The following LRRTM4 variants were observed in gnomAD, a reference collection of about 807,000 sequenced individuals.
LRRTM4 encodes leucine-rich repeat transmembrane neuronal protein 4.
A neutral mutation model predicts 47.6 loss-of-function variants in LRRTM4; 25 were observed. The observed-to-expected ratio is 0.53, with a 90% CI of 0.38 to 0.73. The LOEUF is 0.73. Among genes scored for constraint, LRRTM4 ranks in the 30% least tolerant of loss-of-function variants. The probability of loss-of-function intolerance (pLI) is 0.00; values close to 1 mark genes in which losing one functional copy is unlikely to be tolerated. For synonymous variants in LRRTM4, 311 were observed against 269.5 expected (o/e 1.15, Z -1.51); for missense variants, 638 against 713.4 (o/e 0.89, Z 1.20).
At chr2:76,763,608 T>C (rs911416490) in intron 3 of LRRTM4, among the ~76,000 whole-genome samples, 5 of 152,172 alleles carry the variant, frequency 3.3e-5, no homozygotes, top group African/African-American at 9.7e-5. Flanking sequence ...GATCCAAACA[T>C]ATGAATAGAG....
chr2:77,257,426 A>C (rs1675801043), intron 3 of LRRTM4, among the ~76,000 whole-genome samples: 1 of 152,154 alleles, frequency 6.6e-6, no homozygotes, highest in Admixed American at 6.6e-5. Context: ...AACCAAAATT[A>C]AAAGTACACT....
intron 3 of LRRTM4, among the ~76,000 whole-genome samples, chr2:77,076,328 A>G (rs1162010103): frequency 6.6e-6 from 1 of 152,210 alleles, no homozygotes; most frequent in East Asian, 1.9e-4. Flanking sequence ...ATGTATTTGC[A>G]TATTTTAAAT....
chr2:77,246,365 C>T (rs944311798), intron 3 of LRRTM4, among the ~76,000 whole-genome samples: 1 of 151,844 alleles, frequency 6.6e-6, no homozygotes, highest in Non-Finnish European at 1.5e-5. Flanking sequence ...TGACATTTCG[C>T]CAATATATAC....
chr2:77,197,316 T>A (rs1010141982), intron 3 of LRRTM4, among the ~76,000 whole-genome samples: 1 of 152,200 alleles, frequency 6.6e-6, no homozygotes, highest in Non-Finnish European at 1.5e-5. Context: ...GTTAACATAG[T>A]AAGATATATT....
chr2:76,842,158 C>A (rs1218831492), intron 3 of LRRTM4, among the ~76,000 whole-genome samples: 3 of 152,144 alleles, frequency 2.0e-5, no homozygotes, highest in Non-Finnish European at 4.4e-5. Flanking sequence ...CTGAAGAGAA[C>A]AAAAGGTTGA....
chr2:76,801,587 T>C (rs4425097), intron 3 of LRRTM4, among the ~76,000 whole-genome samples: 70,683 of 151,574 alleles, frequency 0.47, 18,084 homozygotes, highest in East Asian at 0.69. Flanking sequence ...GTGGGTGCAG[T>C]GCACCAGCAT....
chr2:77,457,002 G>A (rs866107717), intron 3 of LRRTM4, among the ~76,000 whole-genome samples: 149 of 12,474 alleles, frequency 0.012, 1 homozygote, highest in African/African-American at 0.053. Flanking sequence ...ATGTGTGTGT[G>A]TGTATATATA....
intron 3 of LRRTM4, among the ~76,000 whole-genome samples, chr2:76,874,036 C>A (rs74485747): frequency 1.3e-5 from 2 of 151,692 alleles, no homozygotes; most frequent in African/African-American, 2.4e-5. Flanking sequence ...AACATTTACT[C>A]CCCCCAGAGC....
chr2:76,758,639 C>T (rs1020434877), intron 3 of LRRTM4, among the ~76,000 whole-genome samples: 1 of 152,132 alleles, frequency 6.6e-6, no homozygotes. Flanking sequence ...ATACTGGTCT[C>T]ATATTTTAAA....
At position 76,771,656 on chromosome 2, in the gene LRRTM4, AAG is replaced by A. The variant is rs1241828499; in HGVS notation, c.1552-22742_1552-22741del. Among the ~76,000 whole-genome samples the A allele has an allele frequency of 5.7e-3, 390 of 68,378 alleles. 3 individuals are homozygous for A. Among genetic ancestry groups the A allele is most frequent in the African/African-American group, 0.032 (371 of 11,432 alleles). The allele number at this position is 68,378 out of a possible 152,430, so 44.9% of individuals were successfully genotyped here. A position where few individuals can be genotyped will look rare whatever the true frequency, so the allele number is the denominator to read the frequency against. ...CAGGTGAACAGAAAAAAAAAAAAAA[AAG>A]AAAAAGAAAAGAAGAACATCAGTTT... On this transcript the variant is annotated intron_variant, in intron 3 of 3. Transcript: ENST00000409884.
intron 3 of LRRTM4, among the ~76,000 whole-genome samples, chr2:76,878,252 T>A (rs751394686): frequency 5.3e-5 from 8 of 152,130 alleles, no homozygotes; most frequent in Non-Finnish European, 8.8e-5. Context: ...TATGTATATG[T>A]TCTGATTGTT....
chr2:77,280,356 T>C (rs938611839), intron 3 of LRRTM4, among the ~76,000 whole-genome samples: 1 of 152,024 alleles, frequency 6.6e-6, no homozygotes, highest in African/African-American at 2.4e-5. Context: ...ACTACAGAAA[T>C]GTAAGAGAAT....
intron 3 of LRRTM4, among the ~76,000 whole-genome samples, chr2:77,408,197 C>T (rs974189403): frequency 6.6e-6 from 1 of 152,228 alleles, no homozygotes; most frequent in Admixed American, 6.5e-5. Flanking sequence ...AGGGGGAGTG[C>T]TTTTTCCTGT....
chr2:77,262,255 G>C (rs1675936415), intron 3 of LRRTM4, among the ~76,000 whole-genome samples: 1 of 152,008 alleles, frequency 6.6e-6, no homozygotes, highest in Non-Finnish European at 1.5e-5. Flanking sequence ...GAAATAAACT[G>C]TACCATAAAT....
At chr2:77,050,664 A>C (rs143011196) in intron 3 of LRRTM4, among the ~76,000 whole-genome samples, 2 of 152,156 alleles carry the variant, frequency 1.3e-5, no homozygotes, top group Admixed American at 1.3e-4. Flanking sequence ...ATCTAAACAT[A>C]TATCTTGAAT....
intron 3 of LRRTM4, among the ~76,000 whole-genome samples, chr2:76,894,450 C>CTA (rs1270118091): frequency 2.6e-5 from 4 of 152,040 alleles, no homozygotes; most frequent in Non-Finnish European, 5.9e-5. Context: ...GAGGATATGT[C>CTA]TAAACTATTT....
At chr2:77,407,684 A>ATT (rs1558728873) in intron 3 of LRRTM4, among the ~76,000 whole-genome samples, 2 of 125,234 alleles carry the variant, frequency 1.6e-5, no homozygotes, top group East Asian at 2.2e-4. Flanking sequence ...TATAATATTT[A>ATT]ATATAATATA....
chr2:76,844,464 A>C (rs893700436), intron 3 of LRRTM4, among the ~76,000 whole-genome samples: 1 of 151,332 alleles, frequency 6.6e-6, no homozygotes, highest in African/African-American at 2.4e-5. Flanking sequence ...TATACTTGGA[A>C]AAGAGCCACC....
chr2:77,493,497 TGTCA>T (rs1678247121), intron 3 of LRRTM4, among the ~76,000 whole-genome samples: 1 of 152,118 alleles, frequency 6.6e-6, no homozygotes, highest in Non-Finnish European at 1.5e-5. Context: ...ATAGAAAGAC[TGTCA>T]TTTTATTTTA....
Sources: allele counts gnomAD v4.1 joint callset (sites outside exome capture counted in the v4.1 genomes callset), GRCh38; gene constraint gnomAD v4.1.1; transcripts MANE v1.5; gene names NCBI Gene and HGNC (gene_info 2026-07-23, HGNC 2026-07-21).